Variants in SGCD observed in about 807,000 individuals in gnomAD.
The protein encoded by SGCD is sarcoglycan delta, also known as delta-sarcoglycan.
In SGCD, 18 loss-of-function variants were observed where a neutral mutation model predicts 36.6. That is an observed-to-expected ratio of 0.49 (90% CI 0.34 to 0.73). SGCD has a LOEUF of 0.73. SGCD is among the 30% of genes least tolerant of loss of function. The probability of loss-of-function intolerance (pLI) is 0.01; values close to 1 mark genes in which losing one functional copy is unlikely to be tolerated. For missense variants in SGCD, 387 were observed against 346.7 expected (o/e 1.12, Z -0.92); for synonymous variants, 133 against 130.6 (o/e 1.02, Z -0.12).
At chr5:156,495,054 G>A (rs1756122636) in intron 3 of SGCD, among the ~76,000 whole-genome samples, 2 of 152,104 alleles carry the variant, frequency 1.3e-5, no homozygotes, top group Non-Finnish European at 2.9e-5. Flanking sequence ...TTTTTTCACT[G>A]AGCAATCAGG....
At chr5:156,105,133 C>T (rs139392823) in intron 1 of SGCD, among the ~76,000 whole-genome samples, 1,657 of 152,196 alleles carry the variant, frequency 0.011, 22 homozygotes, top group African/African-American at 0.032. Context: ...TACCCTAGAA[C>T]TTAAAGTATA....
the SGCD span, among the ~76,000 whole-genome samples, chr5:155,816,381 CATT>C: frequency 6.6e-6 from 1 of 151,950 alleles, no homozygotes; most frequent in African/African-American, 2.4e-5. Flanking sequence ...CAAAAGAAAA[CATT>C]ATTAGGAAAA....
intron 3 of SGCD, among the ~76,000 whole-genome samples, chr5:156,235,809 C>T (rs1436239431): frequency 6.6e-6 from 1 of 152,030 alleles, no homozygotes; most frequent in Non-Finnish European, 1.5e-5. Context: ...ATTTTATTTC[C>T]CTAAGTTCTC....
At chr5:156,600,813 T>C (rs1561806038) in intron 6 of SGCD, among the ~76,000 whole-genome samples, 1 of 152,312 alleles carries the variant, frequency 6.6e-6, no homozygotes, top group Non-Finnish European at 1.5e-5. Flanking sequence ...ATTCCCTTTT[T>C]TTACATCCTC....
intron 3 of SGCD, among the ~76,000 whole-genome samples, chr5:156,493,660 A>C (rs1756042851): frequency 6.6e-6 from 1 of 152,142 alleles, no homozygotes; most frequent in East Asian, 1.9e-4. Flanking sequence ...AAGGGAGGGA[A>C]TTAAGTCCTT....
At chr5:156,069,609 T>A (rs1434169219) in intron 1 of SGCD, among the ~76,000 whole-genome samples, 7 of 152,094 alleles carry the variant, frequency 4.6e-5, no homozygotes, top group Non-Finnish European at 8.8e-5. Flanking sequence ...CAATGCGGGC[T>A]CTTTTTTGGT....
At chr5:156,432,896 A>G (rs1032718450) in intron 3 of SGCD, among the ~76,000 whole-genome samples, 3 of 152,148 alleles carry the variant, frequency 2.0e-5, no homozygotes, top group Admixed American at 6.5e-5. Flanking sequence ...TTCCTTGCAG[A>G]GATAACAAGC....
chr5:155,885,406 T>A (rs1467217753), intron 1 of SGCD, among the ~76,000 whole-genome samples: 1 of 116,102 alleles, frequency 8.6e-6, no homozygotes, highest in Admixed American at 1.0e-4. Context: ...GAGAAACCAC[T>A]TGAAAACAGC....
intron 3 of SGCD, among the ~76,000 whole-genome samples, chr5:156,258,343 A>G (rs556588865): frequency 2.0e-5 from 3 of 152,352 alleles, no homozygotes; most frequent in East Asian, 1.9e-4. Context: ...GTATTCTCTA[A>G]ATGATCACTG....
the SGCD span, among the ~76,000 whole-genome samples, chr5:155,784,833 C>A: frequency 0.017 from 2,635 of 152,036 alleles, 85 homozygotes; most frequent in African/African-American, 0.059. Flanking sequence ...AGGTATCCCT[C>A]GTTCTTTCAC....
At chr5:155,765,472 G>GGAAT in the SGCD span, among the ~76,000 whole-genome samples, 6 of 150,820 alleles carry the variant, frequency 4.0e-5, no homozygotes, top group East Asian at 2.0e-4. Flanking sequence ...AAGGAAGGAA[G>GGAAT]GAATGAAGAC....
chr5:156,499,672 G>A (rs959229326), intron 3 of SGCD, among the ~76,000 whole-genome samples: 4 of 152,246 alleles, frequency 2.6e-5, no homozygotes, highest in Admixed American at 6.5e-5. Context: ...GAAAAATTGC[G>A]AGCATGTTCT....
intron 1 of SGCD, among the ~76,000 whole-genome samples, chr5:156,101,850 CAAT>C (rs1486890908): frequency 1.3e-5 from 2 of 148,444 alleles, no homozygotes; most frequent in Non-Finnish European, 3.0e-5. Context: ...GATTAAATTC[CAAT>C]ATCAATAACT....
intron 7 of SGCD, among the ~76,000 whole-genome samples, chr5:156,672,850 A>G (rs1240154473): frequency 2.0e-5 from 3 of 152,156 alleles, no homozygotes; most frequent in Non-Finnish European, 4.4e-5. Flanking sequence ...AGAGTGCCTT[A>G]GAGCCTTTAT....
chr5:156,283,569 C>T (rs114771484), intron 3 of SGCD, among the ~76,000 whole-genome samples: 29 of 152,268 alleles, frequency 1.9e-4, no homozygotes, highest in African/African-American at 7.0e-4. Context: ...TCTTTATCTG[C>T]ATTGTCTATT....
the SGCD span, among the ~76,000 whole-genome samples, chr5:155,748,938 G>A: frequency 3.3e-5 from 5 of 152,214 alleles, no homozygotes; most frequent in Non-Finnish European, 7.3e-5. Flanking sequence ...AGGAGAGTAA[G>A]GAGCTATGGG....
At chr5:156,752,347 G>GT (rs769248381) in intron 7 of SGCD, among the ~76,000 whole-genome samples, 4 of 152,202 alleles carry the variant, frequency 2.6e-5, no homozygotes, top group Non-Finnish European at 5.9e-5. Context: ...TACAAAATTT[G>GT]TTTTTTCTTA....
At chr5:156,475,450 A>G (rs969295640) in intron 3 of SGCD, among the ~76,000 whole-genome samples, 5 of 152,168 alleles carry the variant, frequency 3.3e-5, no homozygotes, top group Non-Finnish European at 7.3e-5. Context: ...AGTATCTGCA[A>G]TTCTGTCCCT....
rs181359500 is a variant in SGCD at position 156,222,730 on chromosome 5, C to A, written c.-44+98711C>A. Among the ~76,000 whole-genome samples, 1,017 of 152,056 alleles carry A rather than the reference C, an allele frequency of 6.7e-3. 8 individuals carry two copies. Among genetic ancestry groups the A allele is most frequent in the African/African-American group, 0.022 (917 of 41,494 alleles). ...TTAATTGAGATTTTAAAGTAAATAA[C>A]ATTTTAAATACCTACTAAAATAAAA... On this transcript the variant is annotated intron_variant, in intron 3 of 9. Coordinates refer to the SGCD transcript ENST00000517913.
Sources: allele counts gnomAD v4.1 joint callset (sites outside exome capture counted in the v4.1 genomes callset), GRCh38; gene constraint gnomAD v4.1.1; transcripts MANE v1.5; gene names NCBI Gene and HGNC (gene_info 2026-07-23, HGNC 2026-07-21).